Variants in PAK2 observed in about 807,000 individuals in gnomAD.
PAK2 encodes the protein serine/threonine-protein kinase PAK 2.
A neutral mutation model predicts 65.9 loss-of-function variants in PAK2; 21 were observed. That is an observed-to-expected ratio of 0.32 (90% confidence interval 0.23 to 0.46). The LOEUF is 0.46. Among genes scored for constraint, PAK2 ranks in the 20% least tolerant of loss-of-function variants. The pLI is 1.00. For missense variants in PAK2, 324 were observed against 642.6 expected (o/e 0.50, Z 5.36); for synonymous variants, 204 against 219.7 (o/e 0.93, Z 0.63).
chr3:196,811,544 G>A (rs1311698725), intron 8 of PAK2, among the ~76,000 whole-genome samples: 1 of 150,326 alleles, frequency 6.7e-6, no homozygotes, highest in African/African-American at 2.5e-5. Context: ...ACTGCACCAG[G>A]CCTGAATTTC....
rs990082779 is a variant in PAK2, at chr3:196,791,608, G to T, written c.187+8775G>T. 1.3e-5 allele frequency among the ~76,000 whole-genome samples: 2 copies of T among 151,968 alleles called. No individual in the cohort carries two copies. The highest frequency in any genetic ancestry group is 2.4e-5 in the African/African-American group (1 of 41,390). ...TATTTTATATTTCTTATTTCAGAAT[G>T]TTTTTTCTTTATGTGTTAAGAAATA... On this transcript the variant is annotated intron_variant, in intron 2 of 14. Transcript: ENST00000327134. This position sits in a 1 kb window ranked among gnomAD's most constrained non-coding sequence, Gnocchi z 4.0.
intron 1 of PAK2, among the ~76,000 whole-genome samples, chr3:196,781,623 T>A (rs1714715659): frequency 6.6e-6 from 1 of 152,216 alleles, no homozygotes; most frequent in Non-Finnish European, 1.5e-5. Context: ...TGTGTGTAAA[T>A]TAGGATGTCA....
chr3:196,817,509 C>T (rs1428145908), intron 11 of PAK2, among the ~76,000 whole-genome samples: 1 of 152,038 alleles, frequency 6.6e-6, no homozygotes, highest in African/African-American at 2.4e-5. Flanking sequence ...CACCACCACA[C>T]CCAGCTGTTT....
intron 6 of PAK2, 133 bp from the exon 7 acceptor site, chr3:196,807,649 T>C: frequency 3.7e-6 from 2 of 537,900 alleles, no homozygotes; most frequent in East Asian, 3.0e-5. Context: ...CTGAAAATAG[T>C]GTTCTCATTA....
chr3:196,744,841 T>C (rs1313761820), intron 1 of PAK2, among the ~76,000 whole-genome samples: 1 of 152,212 alleles, frequency 6.6e-6, no homozygotes, highest in Non-Finnish European at 1.5e-5. Context: ...AGAGCCTTAA[T>C]GAACTTATAC....
intron 1 of PAK2, among the ~76,000 whole-genome samples, chr3:196,759,293 T>G (rs1035764315): frequency 6.6e-6 from 1 of 152,182 alleles, no homozygotes; most frequent in African/African-American, 2.4e-5. Flanking sequence ...TCTGGCATAT[T>G]CTTCAGAGTT....
chr3:196,778,715 G>A (rs116360053), intron 1 of PAK2, among the ~76,000 whole-genome samples: 118 of 152,348 alleles, frequency 7.7e-4, no homozygotes, highest in African/African-American at 2.7e-3. Context: ...AATCCAGGGT[G>A]TCACGTTGCG....
At chr3:196,809,540 C>T (rs1577738161) in intron 7 of PAK2, among the ~76,000 whole-genome samples, 1 of 150,776 alleles carries the variant, frequency 6.6e-6, no homozygotes, top group Admixed American at 6.6e-5. Flanking sequence ...GATGGGGTTT[C>T]ACCATGTTGG....
chr3:196,827,859 G>T (rs9832853), intron 14 of PAK2, among the ~76,000 whole-genome samples: 3 of 148,814 alleles, frequency 2.0e-5, no homozygotes, highest in African/African-American at 7.5e-5. Flanking sequence ...TTTGTGCATC[G>T]TATCAATCCT....
At position 196,808,577 on chromosome 3, in the gene PAK2, C is replaced by T. The variant is rs561996192; in HGVS notation, c.709+663C>T. Among the ~76,000 whole-genome samples, 10 of 85,574 alleles carry T rather than the reference C, an allele frequency of 1.2e-4. No homozygotes were observed. The East Asian group carries it at 1.2e-3, about 10-fold the overall frequency. The allele number at this position is 85,574 out of a possible 152,430, so 56.1% of individuals were successfully genotyped here. ...CATCTCAAAAAAAAAAAAAAAAAAGCGAACCGGCCGGGCACTGTGGCTCAT... is the reference window on the plus strand; with the variant it reads ...CATCTCAAAAAAAAAAAAAAAAAAGTGAACCGGCCGGGCACTGTGGCTCAT... On this transcript the variant is annotated intron_variant, in intron 7 of 14. Transcript: ENST00000327134.
rs1224350826 is a variant in PAK2 at position 196,829,883 on chromosome 3, G to A, written c.*1478G>A. ...GAGACCTGTAGCATTAATTATTTGA[G>A]TGCCCTCCCTTCTCCCCTCCCCTCC... On this transcript the variant is annotated 3_prime_UTR_variant, in exon 15 of 15. Transcript: ENST00000327134. The A allele has an allele frequency of 6.6e-6, 1 of 152,016 alleles. No individual in the cohort carries two copies. Among genetic ancestry groups the A allele is most frequent in the Non-Finnish European group, 1.5e-5 (1 of 67,990 alleles). 9.4% of individuals were successfully genotyped at this position (152,016 alleles called of 1,614,324 possible).
intron 11 of PAK2, among the ~76,000 whole-genome samples, chr3:196,815,569 A>G (rs1394370164): frequency 6.6e-6 from 1 of 151,804 alleles, no homozygotes; most frequent in Non-Finnish European, 1.5e-5. Context: ...CGGGCAGATC[A>G]TGAGGTCAAG....
At chr3:196,746,048 C>T (rs28474844) in intron 1 of PAK2, among the ~76,000 whole-genome samples, 165 of 150,908 alleles carry the variant, frequency 1.1e-3, no homozygotes, top group African/African-American at 2.4e-3. Flanking sequence ...AGGATGGTCT[C>T]GATCTCCTGA....
At chr3:196,771,596 G>A (rs1055389863) in intron 1 of PAK2, among the ~76,000 whole-genome samples, 19 of 151,996 alleles carry the variant, frequency 1.3e-4, no homozygotes, top group Admixed American at 3.9e-4. Context: ...GTCTTGCTCT[G>A]TTGCCCAGGC....
chr3:196,765,756 G>C (rs75728721), intron 1 of PAK2, among the ~76,000 whole-genome samples: 1,526 of 152,252 alleles, frequency 0.01, 24 homozygotes, highest in African/African-American at 0.035. Flanking sequence ...TTGGCTTTCA[G>C]TATGCAACTT....
intron 1 of PAK2, among the ~76,000 whole-genome samples, chr3:196,774,435 A>ACACAG (rs1714471656): frequency 6.6e-6 from 1 of 152,142 alleles, no homozygotes; most frequent in South Asian, 2.1e-4. Context: ...ACTCGAGTTT[A>ACACAG]GAGGATGTGA....
chr3:196,804,458 C>T (rs947291156), intron 4 of PAK2, among the ~76,000 whole-genome samples: 13 of 149,990 alleles, frequency 8.7e-5, no homozygotes, highest in Admixed American at 2.0e-4. Context: ...TGCGCACGCG[C>T]GTGCGTGTGT....
Position 196,820,657 on chromosome 3 carries a change from T to A in PAK2, c.1350+90T>A. 4.7e-6 allele frequency: 3 copies of A among 640,692 alleles called. No individual in the cohort carries two copies. The highest frequency in any genetic ancestry group is 7.8e-6 in the Non-Finnish European group (3 of 383,108). 39.7% of individuals were successfully genotyped at this position (640,692 alleles called of 1,614,324 possible). A position where few individuals can be genotyped will look rare whatever the true frequency, so the allele number is the denominator to read the frequency against. ...ACGTGCCTGGCACTGTCCAAGAATT[T>A]AAAGTAGAAGGTTGATAAAACCTAA... On this transcript the variant is annotated intron_variant, in intron 13 of 14. Transcript: ENST00000327134. The surrounding 1 kb of genome is among the most constrained non-coding windows in gnomAD (Gnocchi z 4.6).
At chr3:196,802,611 G>A (rs572180444) in intron 3 of PAK2, among the ~76,000 whole-genome samples, 20 of 152,226 alleles carry the variant, frequency 1.3e-4, no homozygotes, top group Admixed American at 7.2e-4. Context: ...TTGGGAGGCC[G>A]AGGCGGGTGG....
Sources: gnomAD v4.1 joint callset for allele counts (sites outside exome capture counted in the v4.1 genomes callset) on GRCh38, gnomAD v4.1.1 for gene constraint, Gnocchi (gnomAD v3.1) non-coding constraint, MANE v1.5 for transcripts, NCBI Gene and HGNC (gene_info 2026-07-23, HGNC 2026-07-21) for gene names.